The following ILKAP variants were observed in gnomAD, a reference collection of about 807,000 sequenced individuals.
ILKAP encodes ILK associated serine/threonine phosphatase.
In ILKAP, 11 loss-of-function variants were observed where a neutral mutation model predicts 49.1. That is an observed-to-expected ratio of 0.22 (90% confidence interval 0.14 to 0.37). The LOEUF (loss-of-function observed/expected upper bound fraction) is 0.37. Among genes scored for constraint, ILKAP ranks in the 10% least tolerant of loss-of-function variants. The pLI is 1.00. For missense variants in ILKAP, 363 were observed against 510.8 expected, an observed-to-expected ratio of 0.71 and a Z score of 2.79; for synonymous variants, 186 against 192.8, an observed-to-expected ratio of 0.96 and a Z score of 0.29.
chr2:238,186,903 T>G (rs1026652247), intron 5 of ILKAP: 12 of 152,178 alleles, frequency 7.9e-5, no homozygotes, highest in Non-Finnish European at 1.8e-4. Context: ...CCCAATTAAA[T>G]TTACACTCAA....
chr2:238,178,741 A>G (rs1693572661), intron 9 of ILKAP, among the ~76,000 whole-genome samples: 1 of 152,104 alleles, frequency 6.6e-6, no homozygotes, highest in Non-Finnish European at 1.5e-5. Context: ...ACCCGAGAAC[A>G]TGGATTTGGG....
At chr2:238,202,697 A>C (rs967568919) in intron 1 of ILKAP, among the ~76,000 whole-genome samples, 2 of 152,100 alleles carry the variant, frequency 1.3e-5, no homozygotes, top group African/African-American at 4.8e-5. Context: ...TGAAATATTC[A>C]CGCGTTTTGA....
At chr2:238,197,122 G>C (rs565095950) in intron 1 of ILKAP, among the ~76,000 whole-genome samples, 2 of 152,304 alleles carry the variant, frequency 1.3e-5, no homozygotes, top group East Asian at 3.9e-4. Context: ...CTTGAACCTG[G>C]GAGGCGGAGG....
intron 3 of ILKAP, among the ~76,000 whole-genome samples, chr2:238,193,771 T>C (rs1694239312): frequency 1.3e-5 from 2 of 152,186 alleles, no homozygotes; most frequent in Admixed American, 6.5e-5. Flanking sequence ...AACCCTCACC[T>C]TCCCCAACCA....
At chr2:238,185,661 G>A (rs541193518) in intron 5 of ILKAP, 228 of 167,622 alleles carry the variant, frequency 1.4e-3, no homozygotes, top group Non-Finnish European at 2.2e-3. Context: ...AAAATTAGCC[G>A]GGCGTGGTGG....
chr2:238,180,781 G>A (rs564825373), intron 9 of ILKAP, among the ~76,000 whole-genome samples: 2 of 152,346 alleles, frequency 1.3e-5, no homozygotes, highest in South Asian at 2.1e-4. Context: ...GGAAGCAACT[G>A]CAACACAACT....
At chr2:238,198,486 G>C (rs564574520) in intron 1 of ILKAP, among the ~76,000 whole-genome samples, 42 of 152,246 alleles carry the variant, frequency 2.8e-4, no homozygotes, top group South Asian at 2.5e-3. Context: ...CAATCTTCCT[G>C]CCTCAGCATC....
At chr2:238,175,121 TC>T (rs1220078734) in intron 9 of ILKAP, among the ~76,000 whole-genome samples, 7 of 135,454 alleles carry the variant, frequency 5.2e-5, no homozygotes, top group Admixed American at 4.4e-4. Context: ...TCTCATTCTC[TC>T]TTTTTTTTTT....
At chr2:238,189,350 A>G (rs1406229167) in intron 4 of ILKAP, among the ~76,000 whole-genome samples, 1 of 152,296 alleles carries the variant, frequency 6.6e-6, no homozygotes, top group African/African-American at 2.4e-5. Context: ...GCTCAAGAAT[A>G]CTTTAGTACC....
At chr2:238,188,896 G>A (rs1694010604) in intron 4 of ILKAP, among the ~76,000 whole-genome samples, 1 of 152,248 alleles carries the variant, frequency 6.6e-6, no homozygotes, top group Non-Finnish European at 1.5e-5. Context: ...CTTCTGGGAA[G>A]TGACAAGCTA....
At position 238,185,220 on chromosome 2, in the gene ILKAP, G is replaced by C. The variant is rs754110296; in HGVS notation, c.493C>G (p.Gln165Glu). 2.5e-6 allele frequency: 4 copies of C among 1,613,410 alleles called. No homozygotes were observed. The highest frequency in any genetic ancestry group is 3.4e-6 in the Non-Finnish European group (4 of 1,179,396). ...GGIRASKFAA[Q>E]NLHQNLIRKF... ...CTGATTAAGTTTTGATGCAAATTCTGTGCAGCAAATTTTGAGGCTCGAATT... is the reference window on the plus strand; with the variant it reads ...CTGATTAAGTTTTGATGCAAATTCTCTGCAGCAAATTTTGAGGCTCGAATT... The change falls in exon 6 of 12, where the codon CAG becomes GAG. Residue 165 changes from glutamine to glutamate, a missense_variant. Around this residue, in one of 3 missense-constraint regions of ILKAP, gnomAD observed 166 missense variants for 307.3 expected, o/e 0.54. Transcript: ENST00000254654.
intron 9 of ILKAP, among the ~76,000 whole-genome samples, chr2:238,178,032 A>G (rs1320129950): frequency 1.3e-5 from 2 of 152,242 alleles, no homozygotes; most frequent in African/African-American, 4.8e-5. Flanking sequence ...CTGAATAAAA[A>G]TAAATGGAAA....
chr2:238,170,491 C>G lies in ILKAP; in HGVS notation c.*45G>C, dbSNP rs1377602763. 8 of 1,549,376 alleles carry G rather than the reference C, an allele frequency of 5.2e-6. No homozygotes were observed. Among genetic ancestry groups the G allele is most frequent in the Non-Finnish European group, 7.0e-6 (8 of 1,142,414 alleles). The stretch of plus-strand genomic sequence containing the variant: ...ACAATGTGCACACACACAAAATGAA[C>G]CTTTTAAGTCAATACCATGCGTGCT... On this transcript the variant is annotated 3_prime_UTR_variant, in exon 12 of 12. Transcript: ENST00000254654.
chr2:238,194,196 AC>A, intron 3 of ILKAP, 78 bp downstream of exon 3: 1 of 1,258,814 alleles, frequency 7.9e-7, no homozygotes, highest in Non-Finnish European at 1.2e-6. Context: ...TCCCGTTAAA[AC>A]CTATACATAA....
At chr2:238,200,983 G>A (rs1486499701) in intron 1 of ILKAP, among the ~76,000 whole-genome samples, 1 of 152,214 alleles carries the variant, frequency 6.6e-6, no homozygotes, top group Non-Finnish European at 1.5e-5. Context: ...AGTAAGCGAA[G>A]AGCTGGATTC....
At chr2:238,192,754 C>G (rs1209019596) in intron 3 of ILKAP, among the ~76,000 whole-genome samples, 1 of 151,248 alleles carries the variant, frequency 6.6e-6, no homozygotes, top group African/African-American at 2.4e-5. Context: ...GTGGCTCACG[C>G]CTGTAATCTC....
chr2:238,178,307 G>A (rs532727595), intron 9 of ILKAP, among the ~76,000 whole-genome samples: 6 of 152,242 alleles, frequency 3.9e-5, no homozygotes, highest in South Asian at 2.1e-4. Context: ...TCAGCCACCC[G>A]AGTGGCTGGG....
intron 6 of ILKAP, 63 bp downstream of exon 6, chr2:238,185,118 C>T (rs1693850029): frequency 9.7e-7 from 1 of 1,028,460 alleles, no homozygotes; most frequent in Non-Finnish European, 1.5e-6. Context: ...CTGACTGCTT[C>T]ACACAGCCAA....
intron 9 of ILKAP, among the ~76,000 whole-genome samples, chr2:238,178,524 C>T (rs1250191181): frequency 5.9e-5 from 9 of 152,134 alleles, no homozygotes; most frequent in Non-Finnish European, 1.3e-4. Context: ...ACTGTTTTAA[C>T]AAATAAATAT....
Sources: allele counts gnomAD v4.1 joint callset (sites outside exome capture counted in the v4.1 genomes callset), GRCh38; gene constraint gnomAD v4.1.1; regional missense constraint gnomAD v4.1.1; transcripts MANE v1.5; gene names NCBI Gene and HGNC (gene_info 2026-07-23, HGNC 2026-07-21).